LPP: variants seen among roughly 807,000 people sequenced by gnomAD.
The protein encoded by LPP is LIM domain containing preferred translocation partner in lipoma, also known as lipoma-preferred partner.
In LPP, 38 loss-of-function variants were observed where a neutral mutation model predicts 60.4. That is an observed-to-expected ratio of 0.63 (90% CI 0.49 to 0.83). The LOEUF is 0.83. LPP is among the 40% of genes least tolerant of loss of function. LPP has a pLI of 0.00. For missense variants in LPP, 902 were observed against 783.6 expected (o/e 1.15, Z -1.80); for synonymous variants, 328 against 290.8 (o/e 1.13, Z -1.30).
chr3:188,268,041 G>C (rs1185338460), intron 2 of LPP, among the ~76,000 whole-genome samples: 5 of 41,164 alleles, frequency 1.2e-4, no homozygotes, highest in African/African-American at 4.0e-4. Context: ...TTTTTTTTTT[G>C]CTGAGTTTGC....
chr3:188,372,268 G>T (rs189419512), intron 3 of LPP, among the ~76,000 whole-genome samples: 3 of 152,034 alleles, frequency 2.0e-5, no homozygotes, highest in African/African-American at 7.2e-5. Context: ...ACCCTTTTTA[G>T]TAATTATAAA....
chr3:188,785,814 T>C (rs929167404), intron 9 of LPP, among the ~76,000 whole-genome samples: 1 of 151,998 alleles, frequency 6.6e-6, no homozygotes, highest in African/African-American at 2.4e-5. Flanking sequence ...CTGCTGATTT[T>C]CTCTTTACCT....
At chr3:188,304,523 C>T (rs6444281) in intron 2 of LPP, among the ~76,000 whole-genome samples, 67,804 of 151,980 alleles carry the variant, frequency 0.45, 17,776 homozygotes, top group East Asian at 0.71. Flanking sequence ...TTAAATCTCA[C>T]AGCTTTTTGC....
intron 1 of LPP, among the ~76,000 whole-genome samples, chr3:188,177,338 T>C (rs1723354131): frequency 6.6e-6 from 1 of 152,168 alleles, no homozygotes; most frequent in African/African-American, 2.4e-5. Flanking sequence ...GGAGCATGGT[T>C]GGAGAATCTG....
rs79901961 is a variant in LPP, at chr3:188,609,914, G to A, written c.1113+70G>A. 8,650 of 1,429,100 alleles carry A rather than the reference G, an allele frequency of 6.1e-3. 46 individuals are homozygous for A. Among genetic ancestry groups the A allele is most frequent in the Non-Finnish European group, 7.3e-3 (7,642 of 1,053,524 alleles). The allele number at this position is 1,429,100 out of a possible 1,614,324, so 88.5% of individuals were successfully genotyped here. A position where few individuals can be genotyped will look rare whatever the true frequency, so the allele number is the denominator to read the frequency against. ...TCTTAGTCTGCCTTCCCCAGGAAGC[G>A]AAGCCTAAGGCAAAAGTGTGTGTGT... On this transcript the variant is annotated intron_variant, in intron 7 of 11. Transcript: ENST00000617246. The surrounding 1 kb of genome is among the most constrained non-coding windows in gnomAD (Gnocchi z 6.9).
At chr3:188,782,695 C>T (rs1740202526) in intron 9 of LPP, among the ~76,000 whole-genome samples, 1 of 151,614 alleles carries the variant, frequency 6.6e-6, no homozygotes, top group East Asian at 1.9e-4. Context: ...CAGATGAACC[C>T]AGCCACTTGT....
At chr3:188,458,196 T>C (rs138565122) in intron 4 of LPP, among the ~76,000 whole-genome samples, 1 of 152,154 alleles carries the variant, frequency 6.6e-6, no homozygotes, top group Non-Finnish European at 1.5e-5. Context: ...TCTGAAGAGA[T>C]AATTGAAGGA....
At chr3:188,783,481 A>C (rs559550989) in intron 9 of LPP, among the ~76,000 whole-genome samples, 1 of 152,272 alleles carries the variant, frequency 6.6e-6, no homozygotes, top group South Asian at 2.1e-4. Context: ...GCTTGTTCTC[A>C]TTTATAAGTG....
At chr3:188,538,543 G>C (rs1824275108) in intron 6 of LPP, among the ~76,000 whole-genome samples, 2 of 152,182 alleles carry the variant, frequency 1.3e-5, no homozygotes, top group African/African-American at 2.4e-5. Context: ...AACATGTGTT[G>C]GCAATGTGGT....
intron 5 of LPP, among the ~76,000 whole-genome samples, chr3:188,519,655 A>G (rs1818333761): frequency 1.3e-5 from 2 of 152,072 alleles, no homozygotes; most frequent in South Asian, 2.1e-4. Flanking sequence ...TGAGGTGCAT[A>G]TGGGGGATGT....
chr3:188,679,885 T>TC (rs1271518929), intron 7 of LPP, among the ~76,000 whole-genome samples: 2 of 152,052 alleles, frequency 1.3e-5, no homozygotes, highest in Non-Finnish European at 2.9e-5. Flanking sequence ...TTTCCTCCTA[T>TC]CCCCCCAGGC....
chr3:188,736,654 A>G (rs1722623228), intron 8 of LPP, among the ~76,000 whole-genome samples: 1 of 152,024 alleles, frequency 6.6e-6, no homozygotes, highest in Admixed American at 6.6e-5. Context: ...GGATGGATGG[A>G]TGGATGGATA....
chr3:188,834,968 G>C (rs1758040434), intron 9 of LPP, among the ~76,000 whole-genome samples: 1 of 152,166 alleles, frequency 6.6e-6, no homozygotes, highest in Non-Finnish European at 1.5e-5. Flanking sequence ...TCTGAGAGAG[G>C]AACGACCTCT....
chr3:188,558,061 G>A (rs762957444), intron 6 of LPP, among the ~76,000 whole-genome samples: 7 of 152,014 alleles, frequency 4.6e-5, no homozygotes, highest in South Asian at 2.1e-4. Context: ...TAGGCACTCC[G>A]ACAAAATAGT....
chr3:188,635,875 T>G (rs1848636440), intron 7 of LPP, among the ~76,000 whole-genome samples: 1 of 152,164 alleles, frequency 6.6e-6, no homozygotes, highest in South Asian at 2.1e-4. Context: ...TAAAAAGTGG[T>G]GTCAGATTAC....
At chr3:188,676,939 C>G (rs975709855) in intron 7 of LPP, among the ~76,000 whole-genome samples, 1 of 152,170 alleles carries the variant, frequency 6.6e-6, no homozygotes, top group African/African-American at 2.4e-5. Flanking sequence ...TTTAAAGAAA[C>G]AGGCTGCCAT....
At chr3:188,431,067 A>G (rs1341891444) in intron 4 of LPP, among the ~76,000 whole-genome samples, 2 of 152,100 alleles carry the variant, frequency 1.3e-5, no homozygotes, top group Admixed American at 1.3e-4. Flanking sequence ...TATCTCATAC[A>G]GTTTTCTCTA....
intron 7 of LPP, among the ~76,000 whole-genome samples, chr3:188,621,139 C>CAAAAA (rs56228100): frequency 7.0e-6 from 1 of 142,948 alleles, no homozygotes; most frequent in African/African-American, 2.6e-5. Flanking sequence ...AATTTTATTC[C>CAAAAA]AAAAAAAAAA....
rs529288068 is a variant in LPP, at chr3:188,467,715, TAACG to T, written c.194-16876_194-16873del. On this transcript the variant is annotated intron_variant, in intron 4 of 11. Coordinates refer to ENST00000617246, the MANE Select transcript of LPP (RefSeq NM_001375462.1). ...GAAGTGATGTGATGTGAGAAAAACT[TAACG>T]TGTCTTTGCTGGCTTTGAAGATGGA... is the stretch of plus-strand genomic sequence containing the variant. Among the ~76,000 whole-genome samples the T allele has an allele frequency of 2.6e-5, 4 of 152,078 alleles. No homozygotes were observed. The South Asian group carries it at 8.3e-4, about 32-fold the overall frequency.
Sources: gnomAD v4.1 joint callset for allele counts (sites outside exome capture counted in the v4.1 genomes callset) on GRCh38, gnomAD v4.1.1 for gene constraint, Gnocchi (gnomAD v3.1) non-coding constraint, MANE v1.5 for transcripts, NCBI Gene and HGNC (gene_info 2026-07-23, HGNC 2026-07-21) for gene names.